Variants in TPRG1 observed in about 807,000 individuals in gnomAD.
TPRG1 encodes the protein tumor protein p63 regulated 1, also known as tumor protein p63-regulated gene 1 protein.
Under a neutral mutation model 29.3 loss-of-function variants are expected in TPRG1, and 29 were observed. The observed-to-expected ratio is 0.99, with a 90% confidence interval of 0.74 to 1.35. The LOEUF is 1.35. TPRG1 is among the 40% of genes most tolerant of loss of function. TPRG1 has a pLI of 0.00. For synonymous variants in TPRG1, 130 were observed against 116.8 expected (o/e 1.11, Z -0.73); for missense variants, 327 against 335.0 (o/e 0.98, Z 0.19).
At chr3:189,099,815 T>C (rs1311259740), upstream of TPRG1, among the ~76,000 whole-genome samples, 1 of 152,196 alleles carries the variant, frequency 6.6e-6, no homozygotes, top group African/African-American at 2.4e-5. Flanking sequence ...CTGAAATCTC[T>C]CTTCATCTTG....
chr3:189,286,516 A>G (rs1445678701), intron 4 of TPRG1, among the ~76,000 whole-genome samples: 1 of 152,002 alleles, frequency 6.6e-6, no homozygotes, highest in Non-Finnish European at 1.5e-5. Flanking sequence ...ATTACCTCCT[A>G]CTTCCAGGAC....
chr3:189,215,390 A>T lies in TPRG1; in HGVS notation c.302+7A>T. ...GCTTCTGGCTCTTGACAAAGTGAGTAGTCACAGCTAAGTGAAGGGCCGTGG... is the reference window on the plus strand; with the variant it reads ...GCTTCTGGCTCTTGACAAAGTGAGTTGTCACAGCTAAGTGAAGGGCCGTGG... On this transcript the variant is annotated splice_region_variant and intron_variant, in intron 3 of 5. Coordinates refer to ENST00000345063, the MANE Select transcript of TPRG1 (RefSeq NM_198485.4). 1 of 1,608,958 alleles carries T rather than the reference A, an allele frequency of 6.2e-7. No homozygotes were observed. The highest frequency in any genetic ancestry group is 8.5e-7 in the Non-Finnish European group (1 of 1,177,358).
intron 3 of TPRG1, among the ~76,000 whole-genome samples, chr3:189,007,562 A>G (rs1208683811): frequency 1.3e-5 from 2 of 151,848 alleles, no homozygotes; most frequent in East Asian, 1.9e-4. Flanking sequence ...TACCCAAATG[A>G]CTATAAATCA....
rs544641528 is a variant in TPRG1 at position 189,074,300 on chromosome 3, G to A, written c.-463+50354G>A. On this transcript the variant is annotated intron_variant, in intron 4 of 10. Coordinates refer to the TPRG1 transcript ENST00000433971. The stretch of plus-strand genomic sequence containing the variant: ...CGCTCATTGCAAGCTCTGCCTCCAG[G>A]TTTCGCGCCATTTTCCTGCCTCAGC... Among the ~76,000 whole-genome samples, 2 of 148,006 alleles carry A rather than the reference G, an allele frequency of 1.4e-5. 1 individual carries two copies. Among genetic ancestry groups the A allele is most frequent in the East Asian group, 3.9e-4 (2 of 5,084 alleles).
chr3:189,294,682 C>G (rs1719585413), intron 4 of TPRG1, among the ~76,000 whole-genome samples: 1 of 152,076 alleles, frequency 6.6e-6, no homozygotes, highest in Non-Finnish European at 1.5e-5. Context: ...ACATTAATTT[C>G]CTCATAAATA....
chr3:189,310,072 C>T (rs1022824743), intron 4 of TPRG1: 5 of 178,720 alleles, frequency 2.8e-5, no homozygotes, highest in Non-Finnish European at 4.7e-5. Context: ...TCTTTGATAC[C>T]TCCTCTCTTT....
At chr3:189,042,272 T>A (rs371732749) in intron 4 of TPRG1, among the ~76,000 whole-genome samples, 1 of 152,182 alleles carries the variant, frequency 6.6e-6, no homozygotes, top group African/African-American at 2.4e-5. Flanking sequence ...TATATTTCTT[T>A]TCCAATTTCA....
At chr3:189,034,243 A>G (rs925370675) in intron 4 of TPRG1, among the ~76,000 whole-genome samples, 15 of 152,198 alleles carry the variant, frequency 9.9e-5, no homozygotes, top group Non-Finnish European at 1.8e-4. Context: ...ATAAATATAA[A>G]TGAATTATCT....
intron 4 of TPRG1, among the ~76,000 whole-genome samples, chr3:189,068,806 GGGAGGGA>G (rs1175145155): frequency 7.3e-5 from 11 of 151,724 alleles, no homozygotes; most frequent in Non-Finnish European, 7.4e-5. Context: ...AAGGAAGGGA[GGGAGGGA>G]GGAGGGAGGA....
intron 5 of TPRG1, among the ~76,000 whole-genome samples, chr3:189,159,778 A>G (rs1474876233): frequency 6.6e-6 from 1 of 151,842 alleles, no homozygotes; most frequent in Non-Finnish European, 1.5e-5. Context: ...CTGCAGATTC[A>G]TACGCACAGT....
At chr3:189,238,672 G>A in intron 3 of TPRG1, 61 bp from the exon 4 acceptor site, 1 of 1,409,614 alleles carries the variant, frequency 7.1e-7, no homozygotes, top group Admixed American at 1.9e-5. Flanking sequence ...GAGATGTGAA[G>A]GTCATTGCTT....
At chr3:189,179,961 G>A (rs571717645) in intron 1 of TPRG1, among the ~76,000 whole-genome samples, 2 of 152,312 alleles carry the variant, frequency 1.3e-5, no homozygotes, top group Non-Finnish European at 2.9e-5. Flanking sequence ...AGGTTTAGTG[G>A]ACTTACAGTT....
chr3:189,308,017 A>G (rs1299736117), intron 4 of TPRG1, among the ~76,000 whole-genome samples: 1 of 152,154 alleles, frequency 6.6e-6, no homozygotes, highest in Non-Finnish European at 1.5e-5. Flanking sequence ...CTGCTTATGG[A>G]TGTTGTATGT....
Position 189,103,853 on chromosome 3 carries a change from C to T in TPRG1, c.-744+3649C>T, listed in dbSNP as rs556998260. Among the ~76,000 whole-genome samples, 5 of 152,284 alleles carry T rather than the reference C, an allele frequency of 3.3e-5. No homozygotes were observed. In the East Asian group the frequency reaches 7.7e-4, roughly 24 times the overall value. On this transcript the variant is annotated intron_variant, in intron 1 of 6. Coordinates refer to the TPRG1 transcript ENST00000412373. ...CTTTCCCTTTCACCGTGGACTTCCT[C>T]TAGCTGGCAAAAATCACGGCCCATC... is the stretch of plus-strand genomic sequence containing the variant.
At chr3:189,195,577 C>T (rs774123899) in intron 1 of TPRG1, among the ~76,000 whole-genome samples, 11 of 152,080 alleles carry the variant, frequency 7.2e-5, no homozygotes, top group Admixed American at 2.6e-4. Flanking sequence ...TTGCAGTAGC[C>T]GTGTGGGCCA....
intron 3 of TPRG1, among the ~76,000 whole-genome samples, chr3:189,237,297 GCA>G (rs138027082): frequency 4.6e-5 from 7 of 150,908 alleles, no homozygotes; most frequent in South Asian, 2.1e-4. Flanking sequence ...GCACACACAC[GCA>G]CACACACACA....
chr3:189,227,618 C>CGCTGTA lies in TPRG1; in HGVS notation c.303-11114_303-11109dup, dbSNP rs1446745776. ...ACAAGTTGTTACTACACACTTCTTA[C>CGCTGTA]GCTGTAACTTAAAAAATGCAATCAT... On this transcript the variant is annotated intron_variant, in intron 3 of 5. Transcript: ENST00000345063. Among the ~76,000 whole-genome samples the CGCTGTA allele has an allele frequency of 7.2e-5, 11 of 152,286 alleles. No individual in the cohort carries two copies. In the South Asian group the frequency reaches 2.1e-3, roughly 29 times the overall value.
At chr3:189,012,452 C>T (rs1413611983) in intron 3 of TPRG1, among the ~76,000 whole-genome samples, 1 of 152,148 alleles carries the variant, frequency 6.6e-6, no homozygotes, top group African/African-American at 2.4e-5. Flanking sequence ...CTGAACGAGT[C>T]TTGCATCCCA....
chr3:189,120,616 A>T (rs1721719940), intron 1 of TPRG1, among the ~76,000 whole-genome samples: 1 of 152,256 alleles, frequency 6.6e-6, no homozygotes, highest in Non-Finnish European at 1.5e-5. Flanking sequence ...ATTCACATAA[A>T]TGGAACATCC....
Sources: gnomAD v4.1 joint callset for allele counts (sites outside exome capture counted in the v4.1 genomes callset) on GRCh38, gnomAD v4.1.1 for gene constraint, MANE v1.5 for transcripts, NCBI Gene and HGNC (gene_info 2026-07-23, HGNC 2026-07-21) for gene names.